Variants in NLE1 observed in about 807,000 individuals in gnomAD.
The protein encoded by NLE1 is notchless protein homolog 1.
NLE1 carries 37 observed loss-of-function variants against 62.8 expected under a neutral mutation model. The ratio of observed to expected loss-of-function variants is 0.59; its 90% CI spans 0.45 to 0.78. The LOEUF (loss-of-function observed/expected upper bound fraction) is 0.78, where lower values mean the gene tolerates loss of function less well. NLE1 is among the 30% of genes least tolerant of loss of function. The probability of loss-of-function intolerance (pLI) is 0.00; values close to 1 mark genes in which losing one functional copy is unlikely to be tolerated. For missense variants in NLE1, 555 were observed against 637.9 expected (o/e 0.87, Z 1.40); for synonymous variants, 243 against 253.0 (o/e 0.96, Z 0.37).
chr17:35,137,519 C>T (rs1211854625), intron 6 of NLE1, 24 bp downstream of exon 6: 1 of 1,585,926 alleles, frequency 6.3e-7, no homozygotes, highest in South Asian at 1.1e-5. Context: ...GCTCATTTGT[C>T]CCAGCTCCGT....
chr17:35,130,327 C>A lies in NLE1; in HGVS notation c.*2110G>T, dbSNP rs1191792142. 9 of 1,613,982 alleles carry A rather than the reference C, an allele frequency of 5.6e-6. No individual in the cohort carries two copies. In the African/African-American group the frequency reaches 9.3e-5, roughly 17 times the overall value. ...CTTCAGCAGCTTTCCTGAGAACTACCCCATCCAGATCACCGTGCGGCGCAA... is the reference window on the plus strand; with the variant it reads ...CTTCAGCAGCTTTCCTGAGAACTACACCATCCAGATCACCGTGCGGCGCAA... On this transcript the variant is annotated 3_prime_UTR_variant, in exon 13 of 13. Transcript: ENST00000442241.
rs749120663 is a variant in NLE1 at position 35,139,235 on chromosome 17, C to T, written c.460G>A (p.Gly154Arg). 9.3e-6 allele frequency: 15 copies of T among 1,613,272 alleles called. No homozygotes were observed. In the Admixed American group the frequency reaches 2.3e-4, roughly 25 times the overall value. ...STETPHFTCK[G>R]HRHWVLSISW... is the part of the protein sequence containing the mutation. ...CCTAAATGGCTAATTGCATACTGACCCTTGCATGTGAAATGTGGTGTCTCT... is the reference window on the plus strand; with the variant it reads ...CCTAAATGGCTAATTGCATACTGACTCTTGCATGTGAAATGTGGTGTCTCT... Residue 154 changes from glycine to arginine, a missense_variant and splice_region_variant, in exon 4 of 13, where the codon GGA becomes AGA. Transcript: ENST00000442241.
Position 35,130,555 on chromosome 17 carries a change from G to A in NLE1, c.*1882C>T, listed in dbSNP as rs2091870920. 5 of 1,076,456 alleles carry A rather than the reference G, an allele frequency of 4.6e-6. No homozygotes were observed. Among genetic ancestry groups the A allele is most frequent in the South Asian group, 1.6e-5 (1 of 62,254 alleles). The allele number at this position is 1,076,456 out of a possible 1,614,324, so 66.7% of individuals were successfully genotyped here. A position where few individuals can be genotyped will look rare whatever the true frequency, so the allele number is the denominator to read the frequency against. ...TGCGGGCCCGGGGTCTGGCAGAGTGGTATGGGCACCCCACCCCTGGGCTGG... is the reference window on the plus strand; with the variant it reads ...TGCGGGCCCGGGGTCTGGCAGAGTGATATGGGCACCCCACCCCTGGGCTGG... On this transcript the variant is annotated 3_prime_UTR_variant, in exon 13 of 13. Transcript: ENST00000442241.
Position 35,137,605 on chromosome 17 carries a change from C to T in NLE1, c.573G>A (p.Val191=). ...TGCTGTGGCCAGCGAGGGTCCTGCC[C>T]ACCTGCTTCCCTGTGCTTGGGTCCC... The part of the protein sequence containing the change: ...LLWDPSTGKQ[V]GRTLAGHSKW... Residue 191 remains valine, a synonymous_variant, in exon 6 of 13, where the codon GTG becomes GTA. Transcript: ENST00000442241. The T allele has an allele frequency of 6.2e-7, 1 of 1,610,764 alleles. No homozygotes were observed. The highest frequency in any genetic ancestry group is 8.5e-7 in the Non-Finnish European group (1 of 1,179,980).
Position 35,129,577 on chromosome 17 carries a change from G to A in NLE1, c.*2860C>T. ...TGGGCACTACTGTCAAGCTGATGGAGCTAAAGCCTAACACGTGTTACTGCC... is the reference window on the plus strand; with the variant it reads ...TGGGCACTACTGTCAAGCTGATGGAACTAAAGCCTAACACGTGTTACTGCC... On this transcript the variant is annotated 3_prime_UTR_variant, in exon 13 of 13. Coordinates refer to ENST00000442241, the MANE Select transcript of NLE1 (RefSeq NM_018096.5). 16 of 1,614,204 alleles carry A rather than the reference G, an allele frequency of 9.9e-6. No homozygotes were observed. Among genetic ancestry groups the A allele is most frequent in the Non-Finnish European group, 1.4e-5 (16 of 1,180,038 alleles).
At chr17:35,136,624 C>T in intron 7 of NLE1, 127 bp from the exon 8 acceptor site, 1 of 1,221,816 alleles carries the variant, frequency 8.2e-7, no homozygotes, top group Non-Finnish European at 1.1e-6. Context: ...AATCAAACTA[C>T]CCCTCTGGGG....
In NLE1 at chr17:35,139,884, C is replaced by T; in HGVS notation, c.345G>A (p.Glu115=). ...GGCTGAAGGCCACAGAAATGACTGC[C>T]TCACTGTGACCCTCCAAGGAGCTGG... ...RCTSSLEGHS[E]AVISVAFSPT... Residue 115 remains glutamate, a synonymous_variant, in exon 3 of 13, where the codon GAG becomes GAA. Transcript: ENST00000442241. 3 of 1,613,842 alleles carry T rather than the reference C, an allele frequency of 1.9e-6. No individual in the cohort carries two copies. Among genetic ancestry groups the T allele is most frequent in the Non-Finnish European group, 2.5e-6 (3 of 1,180,036 alleles).
rs1020956420 is a variant in NLE1 at position 35,130,640 on chromosome 17, G to T, written c.*1797C>A. 5.3e-6 allele frequency: 3 copies of T among 570,628 alleles called. No individual in the cohort carries two copies. The highest frequency in any genetic ancestry group is 9.3e-6 in the Non-Finnish European group (3 of 324,134). 35.3% of individuals were successfully genotyped at this position (570,628 alleles called of 1,614,324 possible). A position where few individuals can be genotyped will look rare whatever the true frequency, so the allele number is the denominator to read the frequency against. On this transcript the variant is annotated 3_prime_UTR_variant, in exon 13 of 13. Coordinates refer to ENST00000442241, the MANE Select transcript of NLE1 (RefSeq NM_018096.5). ...GGCATCTCAGGCCAGGCCATGCCAG[G>T]CTCAGCCACTGCCCACAGCTGCTAG...
Position 35,129,288 on chromosome 17 carries a change from C to A in NLE1, c.*3149G>T. The A allele has an allele frequency of 8.6e-7, 1 of 1,163,078 alleles. No homozygotes were observed. The highest frequency in any genetic ancestry group is 1.4e-5 in the South Asian group (1 of 70,002). The allele number at this position is 1,163,078 out of a possible 1,614,324, so 72.0% of individuals were successfully genotyped here. On this transcript the variant is annotated 3_prime_UTR_variant, in exon 13 of 13. Transcript: ENST00000442241. Reference sequence around the variant, plus strand: ...CACTCAGTGCTGCAGTACCTTGCACCTTCCATCTGACCTGCCTGGGCCCCA... The same window carrying A: ...CACTCAGTGCTGCAGTACCTTGCACATTCCATCTGACCTGCCTGGGCCCCA...
At chr17:35,136,077 G>A in intron 9 of NLE1, 92 bp downstream of exon 9, 2 of 1,281,826 alleles carry the variant, frequency 1.6e-6, no homozygotes, top group Non-Finnish European at 2.2e-6. Flanking sequence ...ATTCTGAGCT[G>A]GGTCTAGAAG....
At chr17:35,136,258 A>C (rs1412677180) in intron 8 of NLE1, 43 bp from the exon 9 acceptor site, 1 of 1,613,476 alleles carries the variant, frequency 6.2e-7, no homozygotes, top group East Asian at 2.2e-5. Context: ...ATGAGGAAGA[A>C]GGCCGATAAG....
At chr17:35,139,698 G>T in intron 3 of NLE1, 151 bp downstream of exon 3, 1 of 1,090,210 alleles carries the variant, frequency 9.2e-7, no homozygotes, top group South Asian at 1.6e-5. Context: ...CCCTACTGAG[G>T]AAGTCCCTTA....
Position 35,142,283 on chromosome 17 carries a change from C to T in NLE1, c.-8G>A. ...CGGCACTGCTGCCGCCATCCTGCGT[C>T]CCCACGTGGAGGAGAAAGAGCCCGG... On this transcript the variant is annotated 5_prime_UTR_variant, in exon 1 of 13. Coordinates refer to ENST00000442241, the MANE Select transcript of NLE1 (RefSeq NM_018096.5). 6.5e-7 allele frequency: 1 copy of T among 1,540,050 alleles called. No homozygotes were observed. Among genetic ancestry groups the T allele is most frequent in the Non-Finnish European group, 8.7e-7 (1 of 1,145,902 alleles).
chr17:35,132,559 AC>A, intron 12 of NLE1, 110 bp from the exon 13 acceptor site: 1 of 991,872 alleles, frequency 1.0e-6, no homozygotes, highest in Non-Finnish European at 1.4e-6. Context: ...CCTCAGAGTC[AC>A]CAAGAGCCAG....
Position 35,132,432 on chromosome 17 carries a change from C to A in NLE1, c.*5G>T. The A allele has an allele frequency of 7.0e-7, 1 of 1,432,418 alleles. No individual in the cohort carries two copies. The highest frequency in any genetic ancestry group is 2.7e-5 in the East Asian group (1 of 36,424). 88.7% of individuals were successfully genotyped at this position (1,432,418 alleles called of 1,614,324 possible). A position where few individuals can be genotyped will look rare whatever the true frequency, so the allele number is the denominator to read the frequency against. On this transcript the variant is annotated 3_prime_UTR_variant, in exon 13 of 13. Coordinates refer to ENST00000442241, the MANE Select transcript of NLE1 (RefSeq NM_018096.5). ...GGTGGGGGTCAGAGAGAACTTCGGGCCGTCTCATCTCCTCCATCTGTGGAG... is the reference window on the plus strand; with the variant it reads ...GGTGGGGGTCAGAGAGAACTTCGGGACGTCTCATCTCCTCCATCTGTGGAG...
rs961236653 is a variant in NLE1, at chr17:35,132,791, T to C, written c.1446-342A>G. ...CCCAAGAGACTGATTAACCAAGTTCTCTGTGATTACTCCATGGCAGAACCA... is the reference window on the plus strand; with the variant it reads ...CCCAAGAGACTGATTAACCAAGTTCCCTGTGATTACTCCATGGCAGAACCA... On this transcript the variant is annotated intron_variant, in intron 12 of 12. Coordinates refer to ENST00000442241, the MANE Select transcript of NLE1 (RefSeq NM_018096.5). Among the ~76,000 whole-genome samples, 28 of 152,358 alleles carry C rather than the reference T, an allele frequency of 1.8e-4. No individual in the cohort carries two copies. The Middle Eastern group carries it at 0.014, about 74-fold the overall frequency.
At chr17:35,140,129 G>A in intron 2 of NLE1, 63 bp from the exon 3 acceptor site, 12 of 1,562,636 alleles carry the variant, frequency 7.7e-6, no homozygotes, top group Middle Eastern at 2.3e-4. Context: ...CCTCTGCCAG[G>A]GATGCTCCCC....
chr17:35,133,993 A>C (rs765343559), intron 10 of NLE1, among the ~76,000 whole-genome samples: 7 of 152,202 alleles, frequency 4.6e-5, no homozygotes, highest in Non-Finnish European at 1.0e-4. Context: ...GTGAAAACAC[A>C]GTGACGTCAC....
rs771205757 is a variant in NLE1, at chr17:35,132,403, T to C, written c.*34A>G. Reference sequence around the variant, plus strand: ...GGGAAGGCAGCTGGCAGAGGCCGAGTCGAGGTGGGGGTCAGAGAGAACTTC... The same window carrying C: ...GGGAAGGCAGCTGGCAGAGGCCGAGCCGAGGTGGGGGTCAGAGAGAACTTC... On this transcript the variant is annotated 3_prime_UTR_variant, in exon 13 of 13. Transcript: ENST00000442241. The C allele has an allele frequency of 6.9e-7, 1 of 1,441,484 alleles. No homozygotes were observed. The highest frequency in any genetic ancestry group is 9.2e-7 in the Non-Finnish European group (1 of 1,092,404). The allele number at this position is 1,441,484 out of a possible 1,614,324, so 89.3% of individuals were successfully genotyped here.
Sources: allele counts gnomAD v4.1 joint callset (sites outside exome capture counted in the v4.1 genomes callset), GRCh38; gene constraint gnomAD v4.1.1; transcripts MANE v1.5; gene names NCBI Gene and HGNC (gene_info 2026-07-23, HGNC 2026-07-21).